Variants in DSC2 observed in about 807,000 individuals in gnomAD.
The protein encoded by DSC2 is desmocollin-2.
A neutral mutation model predicts 87.6 loss-of-function variants in DSC2; 51 were observed. The observed-to-expected ratio is 0.58, with a 90% CI of 0.46 to 0.74. DSC2 has a LOEUF of 0.74. Among genes scored for constraint, DSC2 ranks in the 30% least tolerant of loss-of-function variants. DSC2 has a pLI of 0.00. For missense variants in DSC2, 1,066 were observed against 1,089.5 expected (o/e 0.98, Z 0.30); for synonymous variants, 383 against 393.2 (o/e 0.97, Z 0.31).
intron 12 of DSC2, among the ~76,000 whole-genome samples, chr18:31,072,495 A>G (rs1467653470): frequency 6.6e-6 from 1 of 152,170 alleles, no homozygotes; most frequent in African/African-American, 2.4e-5. Flanking sequence ...GCCCATACAG[A>G]TTCTTTTATG....
intron 15 of DSC2, 69 bp from the exon 16 acceptor site, chr18:31,068,281 G>T: frequency 6.2e-7 from 1 of 1,612,916 alleles, no homozygotes; most frequent in South Asian, 1.1e-5. Context: ...TAACATAAAA[G>T]TAATTGCTTT....
chr18:31,082,119 G>T (rs2144818538), intron 9 of DSC2, 119 bp downstream of exon 9: 1 of 875,686 alleles, frequency 1.1e-6, no homozygotes, highest in East Asian at 2.6e-5. Context: ...CAGAGCATTT[G>T]CATTTACTTA....
intron 1 of DSC2, among the ~76,000 whole-genome samples, chr18:31,101,392 T>A (rs1258930494): frequency 6.6e-6 from 1 of 151,600 alleles, no homozygotes; most frequent in Non-Finnish European, 1.5e-5. Context: ...GGTTCCCCTT[T>A]CCGTGGCCTG....
intron 2 of DSC2, among the ~76,000 whole-genome samples, chr18:31,092,909 T>C (rs1188019206): frequency 6.6e-6 from 1 of 152,214 alleles, no homozygotes; most frequent in Non-Finnish European, 1.5e-5. Flanking sequence ...TGTCTTTATC[T>C]TTTCTCTAAA....
At chr18:31,096,592 G>A (rs1356653604) in intron 1 of DSC2, among the ~76,000 whole-genome samples, 4 of 152,136 alleles carry the variant, frequency 2.6e-5, no homozygotes, top group South Asian at 4.1e-4. Flanking sequence ...TGAATTTAAC[G>A]AAGGCTTGAC....
At chr18:31,074,974 A>G in intron 11 of DSC2, 67 bp from the exon 12 acceptor site, 1 of 1,466,328 alleles carries the variant, frequency 6.8e-7, no homozygotes, top group Non-Finnish European at 9.3e-7. Context: ...TATGCACTGA[A>G]CACATTGAAA....
chr18:31,089,378 T>C, intron 5 of DSC2, 61 bp downstream of exon 5: 1 of 1,599,140 alleles, frequency 6.3e-7, no homozygotes. Flanking sequence ...GAATTGCAAA[T>C]GAGAGACAAA....
chr18:31,071,668 C>T lies in DSC2; in HGVS notation c.2062G>A (p.Gly688Arg). 1 of 1,599,774 alleles carries T rather than the reference C, an allele frequency of 6.3e-7. No individual in the cohort carries two copies. Among genetic ancestry groups the T allele is most frequent in the Non-Finnish European group, 8.5e-7 (1 of 1,174,090 alleles). Residue 688 changes from glycine (G) to arginine (R), a missense_variant, in exon 13 of 16, where the codon GGA becomes AGA. By Grantham distance (125) the Gly-to-Arg change is moderately radical. Transcript: ENST00000280904. The part of the protein sequence containing the change: ...THRVDPRIGG[G>R]GVQLGKWAIL... ...GCCCACTTTCCAAGTTGTACTCCTC[C>T]ACCGCCAATCCTTGGATCTACACGA...
At chr18:31,080,430 A>T in intron 9 of DSC2, 78 bp from the exon 10 acceptor site, 1 of 1,514,304 alleles carries the variant, frequency 6.6e-7, no homozygotes, top group Non-Finnish European at 9.0e-7. Flanking sequence ...TATAATGTTA[A>T]ATTTGGAAAT....
Position 31,102,003 on chromosome 18 carries a change from C to A in DSC2, c.-32G>T, listed in dbSNP as rs1163223705. On this transcript the variant is annotated 5_prime_UTR_variant, in exon 1 of 16. Transcript: ENST00000280904. ...GGCTCGGGGCAGGTCGCGGGCCGAG[C>A]GTCGGGCCGGGGTAGGAGGGCTCCG... 5 of 1,476,152 alleles carry A rather than the reference C, an allele frequency of 3.4e-6. 1 individual carries two copies. The South Asian group carries it at 6.5e-5, about 19-fold the overall frequency. 91.4% of individuals were successfully genotyped at this position (1,476,152 alleles called of 1,614,324 possible). A position where few individuals can be genotyped will look rare whatever the true frequency, so the allele number is the denominator to read the frequency against.
chr18:31,102,158 G>T lies in DSC2; in HGVS notation c.-187C>A, dbSNP rs562293556. 4.0e-6 allele frequency: 2 copies of T among 496,092 alleles called. No homozygotes were observed. The highest frequency in any genetic ancestry group is 3.4e-6 in the Non-Finnish European group (1 of 290,776). 30.7% of individuals were successfully genotyped at this position (496,092 alleles called of 1,614,324 possible). On this transcript the variant is annotated 5_prime_UTR_variant, in exon 1 of 16. Transcript: ENST00000280904. ...GAAGCGCCTGCCTCTCATCCAAGGGGCTTTTCCTTTGGCGGAGGGAGGGGC... is the reference window on the plus strand; with the variant it reads ...GAAGCGCCTGCCTCTCATCCAAGGGTCTTTTCCTTTGGCGGAGGGAGGGGC...
chr18:31,086,675 C>G lies in DSC2; in HGVS notation c.843G>C (p.Lys281Asn). 6.2e-7 allele frequency: 1 copy of G among 1,614,132 alleles called. No individual in the cohort carries two copies. The highest frequency in any genetic ancestry group is 8.5e-7 in the Non-Finnish European group (1 of 1,180,018). Residue 281 changes from lysine (K) to asparagine (N), a missense_variant, in exon 7 of 16, where the codon AAG (lysine) becomes AAC (asparagine). Lys to Asn is a moderately conservative substitution (Grantham distance 94). Coordinates refer to ENST00000280904, the MANE Select transcript of DSC2 (RefSeq NM_024422.6). ...DEPDTMHTRL[K>N]YSIIGQVPPS... is the part of the protein sequence containing the mutation. ...GTGGCACCTGCCCAATGATGGAGTA[C>G]TTCAGGCGTGTGTGCATCGTGTCAG...
chr18:31,101,788 G>T, intron 1 of DSC2, 115 bp downstream of exon 1: 1 of 898,486 alleles, frequency 1.1e-6, no homozygotes, highest in Non-Finnish European at 1.6e-6. Context: ...GCCACCCAGA[G>T]GCCCCTTCAC....
rs1375540401 is a variant in DSC2 at position 31,065,663 on chromosome 18, G to A, written c.*2352C>T. The stretch of plus-strand genomic sequence containing the variant: ...GACAGCTAGGGAAGAAGCCAAGGAA[G>A]GGATTGACAGGGAGAATCTAAAATA... On this transcript the variant is annotated 3_prime_UTR_variant, in exon 16 of 16. Coordinates refer to ENST00000280904, the MANE Select transcript of DSC2 (RefSeq NM_024422.6). 6.6e-6 allele frequency: 1 copy of A among 152,302 alleles called. No individual in the cohort carries two copies. Among genetic ancestry groups the A allele is most frequent in the East Asian group, 1.9e-4 (1 of 5,178 alleles). The allele number at this position is 152,302 out of a possible 1,614,324, so 9.4% of individuals were successfully genotyped here.
chr18:31,071,976 A>G, intron 12 of DSC2, 135 bp from the exon 13 acceptor site: 1 of 811,454 alleles, frequency 1.2e-6, no homozygotes, highest in Non-Finnish European at 2.0e-6. Context: ...CTGCTAGAAG[A>G]TTCTAAATGT....
intron 3 of DSC2, 123 bp downstream of exon 3, chr18:31,091,978 A>ATGGTT (rs1203005379): frequency 7.2e-6 from 7 of 978,236 alleles, no homozygotes; most frequent in Non-Finnish European, 9.0e-6. Context: ...AAGTTGCCTC[A>ATGGTT]TGGTTTTCAT....
chr18:31,083,333 A>G (rs1481023053), intron 7 of DSC2, among the ~76,000 whole-genome samples: 1 of 147,658 alleles, frequency 6.8e-6, no homozygotes, highest in East Asian at 2.0e-4. Context: ...TCCCGGGTTC[A>G]AGCGAGGCAG....
chr18:31,069,219 A>C, intron 14 of DSC2, 68 bp from the exon 15 acceptor site: 3 of 1,587,934 alleles, frequency 1.9e-6, no homozygotes, highest in Non-Finnish European at 2.6e-6. Context: ...AAAGAACAAC[A>C]TCAAGCGGAT....
chr18:31,068,422 C>T (rs1009317091), intron 15 of DSC2: 1 of 1,449,016 alleles, frequency 6.9e-7, no homozygotes, highest in Non-Finnish European at 9.7e-7. Context: ...TTCTAAAAGT[C>T]ACGCATGTGG....
Sources: allele counts gnomAD v4.1 joint callset (sites outside exome capture counted in the v4.1 genomes callset), GRCh38; gene constraint gnomAD v4.1.1; transcripts MANE v1.5; gene names NCBI Gene and HGNC (gene_info 2026-07-23, HGNC 2026-07-21).